The following KLHL1 variants were observed in gnomAD, a reference collection of about 807,000 sequenced individuals.
KLHL1 encodes the protein kelch-like protein 1.
KLHL1 carries 47 observed loss-of-function variants against 77.7 expected under a neutral mutation model. That is an observed-to-expected ratio of 0.60 (90% CI 0.48 to 0.77). The LOEUF is 0.77. KLHL1 is among the 30% of genes least tolerant of loss of function. The pLI is 0.00. For synonymous variants in KLHL1, 360 were observed against 325.2 expected (o/e 1.11, Z -1.15); for missense variants, 925 against 910.8 (o/e 1.02, Z -0.20).
intron 1 of KLHL1, among the ~76,000 whole-genome samples, chr13:70,024,646 C>A (rs796322695): frequency 1.2e-5 from 1 of 80,568 alleles, no homozygotes; most frequent in East Asian, 2.9e-4. Flanking sequence ...CTCTCTCTCT[C>A]TCTCTCTCTC....
intron 5 of KLHL1, among the ~76,000 whole-genome samples, chr13:69,876,594 T>G (rs1013700219): frequency 6.6e-6 from 1 of 152,226 alleles, no homozygotes; most frequent in Admixed American, 6.5e-5. Flanking sequence ...CATTGCAAGC[T>G]TTTTTCTTCT....
chr13:69,982,172 G>A (rs891399240), intron 1 of KLHL1, among the ~76,000 whole-genome samples: 13 of 151,968 alleles, frequency 8.6e-5, no homozygotes, highest in African/African-American at 2.4e-4. Context: ...AGTGGCTCAT[G>A]CCTGTAATCC....
At chr13:69,897,010 T>C (rs541262704) in intron 4 of KLHL1, among the ~76,000 whole-genome samples, 1 of 152,234 alleles carries the variant, frequency 6.6e-6, no homozygotes, top group African/African-American at 2.4e-5. Flanking sequence ...ATTGAAGATA[T>C]GGAGAAGACA....
intron 4 of KLHL1, among the ~76,000 whole-genome samples, chr13:69,903,934 C>A (rs969043319): frequency 6.6e-6 from 1 of 151,720 alleles, no homozygotes; most frequent in African/African-American, 2.4e-5. Flanking sequence ...GCCACCGCGC[C>A]CGGCCCTCAC....
chr13:69,994,988 A>G (rs1411055296), intron 1 of KLHL1, among the ~76,000 whole-genome samples: 3 of 152,120 alleles, frequency 2.0e-5, no homozygotes, highest in South Asian at 2.1e-4. Context: ...TTTGGTATCT[A>G]TATCAACAAT....
intron 1 of KLHL1, among the ~76,000 whole-genome samples, chr13:69,981,511 G>A (rs953977872): frequency 2.0e-5 from 3 of 151,936 alleles, no homozygotes; most frequent in Admixed American, 6.6e-5. Context: ...CCTGAATGTA[G>A]TAAAAGATGA....
At position 69,700,879 on chromosome 13, in the gene KLHL1, A is replaced by G. The variant is rs535309839; in HGVS notation, c.*823T>C. 6.6e-6 allele frequency: 1 copy of G among 152,328 alleles called. No homozygotes were observed. Among genetic ancestry groups the G allele is most frequent in the Non-Finnish European group, 1.5e-5 (1 of 67,840 alleles). 9.4% of individuals were successfully genotyped at this position (152,328 alleles called of 1,614,324 possible). A position where few individuals can be genotyped will look rare whatever the true frequency, so the allele number is the denominator to read the frequency against. On this transcript the variant is annotated 3_prime_UTR_variant, in exon 11 of 11. Transcript: ENST00000377844. ...AAATTCTAAAGGAGTTCAACATGCA[A>G]TGGATATATATATCATTCAGAATCA...
intron 8 of KLHL1, among the ~76,000 whole-genome samples, chr13:69,726,923 T>C (rs1489693516): frequency 1.3e-5 from 2 of 152,120 alleles, no homozygotes; most frequent in Non-Finnish European, 2.9e-5. Flanking sequence ...TTTTAAAAAA[T>C]GAATGAAGCA....
intron 6 of KLHL1, among the ~76,000 whole-genome samples, chr13:69,811,372 TA>T (rs1877871920): frequency 6.6e-6 from 1 of 151,160 alleles, no homozygotes; most frequent in Non-Finnish European, 1.5e-5. Context: ...TTAAAACCAA[TA>T]ACCATATGGT....
chr13:69,871,541 T>C (rs2138176026), intron 5 of KLHL1, among the ~76,000 whole-genome samples: 1 of 152,256 alleles, frequency 6.6e-6, no homozygotes, highest in South Asian at 2.1e-4. Context: ...TCTGTTTCCC[T>C]TTTTACTATA....
At chr13:70,046,696 T>C (rs543147731) in intron 1 of KLHL1, among the ~76,000 whole-genome samples, 2 of 152,220 alleles carry the variant, frequency 1.3e-5, no homozygotes, top group Admixed American at 6.5e-5. Context: ...TGTTTTTTAA[T>C]AGAGACGGGG....
intron 8 of KLHL1, among the ~76,000 whole-genome samples, chr13:69,734,480 T>C (rs1401040404): frequency 3.7e-5 from 5 of 136,918 alleles, no homozygotes; most frequent in Admixed American, 6.9e-5. Context: ...TATAATTTGT[T>C]AAATTCTGAA....
At chr13:69,960,716 A>G (rs549238106) in intron 3 of KLHL1, among the ~76,000 whole-genome samples, 43 of 151,970 alleles carry the variant, frequency 2.8e-4, no homozygotes, top group African/African-American at 9.6e-4. Flanking sequence ...ATTGAGTAAC[A>G]TTCAACAAAT....
chr13:69,732,158 A>T (rs920523765), intron 8 of KLHL1, among the ~76,000 whole-genome samples: 9 of 152,166 alleles, frequency 5.9e-5, no homozygotes, highest in African/African-American at 2.2e-4. Flanking sequence ...ACAAATTGGC[A>T]TTGATTGAAT....
intron 1 of KLHL1, among the ~76,000 whole-genome samples, chr13:70,052,337 G>GA (rs373950156): frequency 0.011 from 1,675 of 149,622 alleles, 41 homozygotes; most frequent in African/African-American, 0.037. Flanking sequence ...TGATGAGAAA[G>GA]AAAAAAAAAT....
intron 1 of KLHL1, among the ~76,000 whole-genome samples, chr13:70,082,311 TCA>T (rs4053611): frequency 0.094 from 10,422 of 110,676 alleles, 609 homozygotes; most frequent in Middle Eastern, 0.12. Context: ...CTTGGACCTG[TCA>T]CACACACACA....
intron 9 of KLHL1, among the ~76,000 whole-genome samples, chr13:69,716,556 G>A (rs762171158): frequency 1.1e-4 from 17 of 152,064 alleles, no homozygotes; most frequent in Non-Finnish European, 2.2e-4. Flanking sequence ...TGCAGAAGTG[G>A]GTATTACAAA....
intron 8 of KLHL1, among the ~76,000 whole-genome samples, chr13:69,722,201 A>G (rs1873096321): frequency 6.6e-6 from 1 of 152,056 alleles, no homozygotes; most frequent in Admixed American, 6.6e-5. Context: ...AAGCTGCTTT[A>G]TTTATTCATA....
At position 69,707,619 on chromosome 13, in the gene KLHL1, T is replaced by C. The variant is rs772631422; in HGVS notation, c.2187+6A>G. On this transcript the variant is annotated splice_donor_region_variant and intron_variant, in intron 10 of 10. Transcript: ENST00000377844. ...TTGAAGTGAATTATGCTGATGACAA[T>C]CTTACCTGTGTCCACTCATTAGTTT... 6.2e-6 allele frequency: 10 copies of C among 1,608,920 alleles called. No homozygotes were observed. The South Asian group carries it at 9.9e-5, about 16-fold the overall frequency.
Sources: allele counts gnomAD v4.1 joint callset (sites outside exome capture counted in the v4.1 genomes callset), GRCh38; gene constraint gnomAD v4.1.1; transcripts MANE v1.5; gene names NCBI Gene and HGNC (gene_info 2026-07-23, HGNC 2026-07-21).